The following SHROOM3 variants were observed in gnomAD, a reference collection of about 807,000 sequenced individuals.
SHROOM3 encodes protein Shroom3.
In SHROOM3, 47 loss-of-function variants were observed where a neutral mutation model predicts 138.6. The observed-to-expected ratio is 0.34, with a 90% CI of 0.27 to 0.43. The LOEUF (loss-of-function observed/expected upper bound fraction) is 0.43, where lower values mean the gene tolerates loss of function less well. Among genes scored for constraint, SHROOM3 ranks in the 20% least tolerant of loss-of-function variants. The pLI, the probability that SHROOM3 is intolerant of heterozygous loss-of-function variation, is 1.00. For synonymous variants in SHROOM3, 1,062 were observed against 1,063.3 expected, an observed-to-expected ratio of 1.00 and a Z score of 0.02; for missense variants, 2,491 against 2,596.5, an observed-to-expected ratio of 0.96 and a Z score of 0.88.
chr4:76,502,779 T>G (rs913430360), intron 1 of SHROOM3, among the ~76,000 whole-genome samples: 7 of 152,374 alleles, frequency 4.6e-5, no homozygotes, highest in African/African-American at 1.7e-4. Context: ...TCTTTCATAT[T>G]TGGATCTGCA....
At chr4:76,450,656 A>G (rs1407757600) in intron 1 of SHROOM3, among the ~76,000 whole-genome samples, 1 of 152,242 alleles carries the variant, frequency 6.6e-6, no homozygotes, top group Non-Finnish European at 1.5e-5. Context: ...TGAGATACCC[A>G]GAAAAGGCAA....
chr4:76,530,908 C>T (rs1295901209), intron 1 of SHROOM3, among the ~76,000 whole-genome samples: 1 of 152,124 alleles, frequency 6.6e-6, no homozygotes, highest in African/African-American at 2.4e-5. Flanking sequence ...TTTCAGTGGA[C>T]TCAGATGTAT....
chr4:76,691,390 C>A (rs923326281), intron 2 of SHROOM3, among the ~76,000 whole-genome samples: 7 of 152,114 alleles, frequency 4.6e-5, no homozygotes, highest in African/African-American at 1.7e-4. Context: ...TGACCTGGGA[C>A]CAGGTCCTCT....
intron 2 of SHROOM3, among the ~76,000 whole-genome samples, chr4:76,651,212 A>G (rs2110088390): frequency 6.6e-6 from 1 of 152,034 alleles, no homozygotes. Context: ...AAGACCTACT[A>G]TTTGAAAGCA....
chr4:76,703,224 A>G (rs1199730362), intron 2 of SHROOM3, among the ~76,000 whole-genome samples: 2 of 152,158 alleles, frequency 1.3e-5, no homozygotes, highest in Non-Finnish European at 2.9e-5. Context: ...TTAAGTACAA[A>G]TGAATGGCAT....
At chr4:76,660,665 G>A (rs59629020) in intron 2 of SHROOM3, among the ~76,000 whole-genome samples, 17,385 of 151,934 alleles carry the variant, frequency 0.11, 1,003 homozygotes, top group East Asian at 0.16. Flanking sequence ...TAGTAGAGAC[G>A]GGGTTTCACC....
intron 9 of SHROOM3, 110 bp from the exon 10 acceptor site, chr4:76,770,516 G>A: frequency 2.3e-6 from 3 of 1,287,894 alleles, no homozygotes; most frequent in Non-Finnish European, 3.3e-6. Context: ...AGAAGGGGGA[G>A]GATATTCAGC....
chr4:76,520,622 C>T (rs1031071955), intron 1 of SHROOM3, among the ~76,000 whole-genome samples: 1 of 152,136 alleles, frequency 6.6e-6, no homozygotes, highest in Non-Finnish European at 1.5e-5. Flanking sequence ...GCTCCTGAGC[C>T]TTCCTTTGCT....
chr4:76,704,914 A>G (rs1020699047), intron 2 of SHROOM3, among the ~76,000 whole-genome samples: 1 of 152,216 alleles, frequency 6.6e-6, no homozygotes, highest in Non-Finnish European at 1.5e-5. Context: ...GTAACAGACC[A>G]TGCCAAGGAG....
intron 1 of SHROOM3, among the ~76,000 whole-genome samples, chr4:76,498,244 A>T (rs889595119): frequency 6.6e-6 from 1 of 152,208 alleles, no homozygotes; most frequent in Non-Finnish European, 1.5e-5. Flanking sequence ...GTTCACACAG[A>T]TGGGGTGACT....
intron 2 of SHROOM3, among the ~76,000 whole-genome samples, chr4:76,605,950 C>CATAT (rs34296741): frequency 4.4e-5 from 6 of 136,496 alleles, no homozygotes; most frequent in Non-Finnish European, 7.7e-5. Context: ...TATATATACA[C>CATAT]ATATATATAT....
intron 8 of SHROOM3, among the ~76,000 whole-genome samples, chr4:76,759,089 G>A (rs1455377655): frequency 6.6e-6 from 1 of 152,208 alleles, no homozygotes; most frequent in African/African-American, 2.4e-5. Context: ...ACAGTGCATA[G>A]TAGGCACTAG....
chr4:76,716,506 T>C (rs1271715805), intron 3 of SHROOM3: 2 of 466,032 alleles, frequency 4.3e-6, no homozygotes, highest in Non-Finnish European at 4.3e-6. Flanking sequence ...GATATTGTGC[T>C]ATATCTGTTT....
At chr4:76,635,477 T>C (rs1439103321) in intron 2 of SHROOM3, among the ~76,000 whole-genome samples, 1 of 152,162 alleles carries the variant, frequency 6.6e-6, no homozygotes, top group Non-Finnish European at 1.5e-5. Flanking sequence ...TTCCTAATGG[T>C]TGGGGTATTT....
chr4:76,558,980 C>T lies in SHROOM3; in HGVS notation c.323+3217C>T, dbSNP rs191191673. Among the ~76,000 whole-genome samples the T allele has an allele frequency of 4.2e-3, 641 of 152,308 alleles. 3 individuals are homozygous for T. The highest frequency in any genetic ancestry group is 7.1e-3 in the Non-Finnish European group (481 of 68,020). On this transcript the variant is annotated intron_variant, in intron 2 of 10. Coordinates refer to ENST00000296043, the MANE Select transcript of SHROOM3 (RefSeq NM_020859.4). ...GGGCCCCAGGGAATCATGCTGCCAA[C>T]GTTCTCCTCTCCATTTTCATTCTCG...
chr4:76,485,654 T>C (rs1731713992), intron 1 of SHROOM3, among the ~76,000 whole-genome samples: 1 of 152,202 alleles, frequency 6.6e-6, no homozygotes, highest in Non-Finnish European at 1.5e-5. Context: ...CTGTGACTCA[T>C]GCTTTGCTTT....
rs527287889 is a variant in SHROOM3, at chr4:76,487,336, A to G, written c.168+51116A>G. ...TGGCTATACCACATTTTATTTATCC[A>G]TTCTTTAGTTGGTGGACATCTGAGT... On this transcript the variant is annotated intron_variant, in intron 1 of 10. Coordinates refer to ENST00000296043, the MANE Select transcript of SHROOM3 (RefSeq NM_020859.4). Among the ~76,000 whole-genome samples, 7 of 152,220 alleles carry G rather than the reference A, an allele frequency of 4.6e-5. No individual in the cohort carries two copies. In the East Asian group the frequency reaches 1.3e-3, roughly 29 times the overall value.
Position 76,636,113 on chromosome 4 carries a change from A to G in SHROOM3, c.324-74043A>G, listed in dbSNP as rs1248064925. 1.8e-4 allele frequency among the ~76,000 whole-genome samples: 28 copies of G among 152,254 alleles called. 1 individual carries two copies. The highest frequency in any genetic ancestry group is 1.0e-4 in the Non-Finnish European group (7 of 68,040). On this transcript the variant is annotated intron_variant, in intron 2 of 10. Transcript: ENST00000296043. ...CACGTCTGAGTACCTTGTCCTGAGC[A>G]TGTTTCATAAATGGGTAAAATGTGT... is the stretch of plus-strand genomic sequence containing the variant.
At chr4:76,468,607 T>C (rs1343156462) in intron 1 of SHROOM3, among the ~76,000 whole-genome samples, 1 of 151,186 alleles carries the variant, frequency 6.6e-6, no homozygotes, top group Non-Finnish European at 1.5e-5. Context: ...TATATAAATA[T>C]ATATACATAT....
Sources: gnomAD v4.1 joint callset for allele counts (sites outside exome capture counted in the v4.1 genomes callset) on GRCh38, gnomAD v4.1.1 for gene constraint, MANE v1.5 for transcripts, NCBI Gene and HGNC (gene_info 2026-07-23, HGNC 2026-07-21) for gene names.